Variants in MRTFA observed in about 807,000 individuals in gnomAD.
The protein encoded by MRTFA is myocardin-related transcription factor A.
MRTFA carries 20 observed loss-of-function variants against 83.5 expected under a neutral mutation model. The ratio of observed to expected loss-of-function variants is 0.24; its 90% confidence interval spans 0.17 to 0.35. The LOEUF (loss-of-function observed/expected upper bound fraction) is 0.35, where lower values mean the gene tolerates loss of function less well. MRTFA is among the 10% of genes least tolerant of loss of function. The pLI, the probability that MRTFA is intolerant of heterozygous loss-of-function variation, is 1.00. For synonymous variants in MRTFA, 659 were observed against 541.2 expected (o/e 1.22, Z -3.02); for missense variants, 1,200 against 1,224.7 (o/e 0.98, Z 0.30).
rs2052773584 is a variant in MRTFA at position 40,419,301 on chromosome 22, G to A, written c.1437C>T (p.Ala479=). Residue 479 remains alanine (A), a synonymous_variant, in exon 12 of 15, where the codon GCC becomes GCT. Transcript: ENST00000355630. ...GCACAGGGCTGATTTGGTCTTGATAGGCTCGAAGGCGCTCAATCAGCTCAG... is the reference window on the plus strand; with the variant it reads ...GCACAGGGCTGATTTGGTCTTGATAAGCTCGAAGGCGCTCAATCAGCTCAG... The A allele has an allele frequency of 3.7e-6, 6 of 1,613,976 alleles. No individual in the cohort carries two copies. Among genetic ancestry groups the A allele is most frequent in the South Asian group, 1.1e-5 (1 of 91,080 alleles).
intron 3 of MRTFA, among the ~76,000 whole-genome samples, chr22:40,511,413 A>G (rs938256095): frequency 1.3e-5 from 2 of 152,236 alleles, no homozygotes. Context: ...TTAGATGTCC[A>G]GGTGGGAAGA....
At chr22:40,430,210 G>A (rs1208461658) in intron 6 of MRTFA, among the ~76,000 whole-genome samples, 1 of 152,180 alleles carries the variant, frequency 6.6e-6, no homozygotes, top group Non-Finnish European at 1.5e-5. Flanking sequence ...ACAAACGGCT[G>A]GGCGTGGTGG....
chr22:40,512,451 A>G (rs886322465), intron 3 of MRTFA, among the ~76,000 whole-genome samples: 1 of 152,232 alleles, frequency 6.6e-6, no homozygotes, highest in Non-Finnish European at 1.5e-5. Flanking sequence ...GATCCTTGCC[A>G]TCATCCTTCC....
chr22:40,577,926 C>T (rs536176285), intron 2 of MRTFA, among the ~76,000 whole-genome samples: 1 of 149,164 alleles, frequency 6.7e-6, no homozygotes, highest in Admixed American at 6.7e-5. Flanking sequence ...CTTTTTAAAC[C>T]ACTGTCTGGT....
intron 4 of MRTFA, among the ~76,000 whole-genome samples, chr22:40,443,943 C>A (rs774407738): frequency 6.6e-6 from 1 of 152,168 alleles, no homozygotes; most frequent in Non-Finnish European, 1.5e-5. Flanking sequence ...CAGCATGCAC[C>A]CCCACCATGG....
chr22:40,499,912 A>AT (rs1374668906), intron 3 of MRTFA, among the ~76,000 whole-genome samples: 31 of 115,314 alleles, frequency 2.7e-4, no homozygotes, highest in African/African-American at 1.0e-3. Context: ...TTTCAAGTAG[A>AT]CCTTTTTTTT....
intron 2 of MRTFA, chr22:40,587,631 A>T (rs920431209): frequency 3.3e-6 from 1 of 302,770 alleles, no homozygotes; most frequent in Non-Finnish European, 6.6e-6. Context: ...GAGAACAGAT[A>T]GCATATTGTT....
chr22:40,531,833 A>G lies in MRTFA; in HGVS notation c.241+20273T>C, dbSNP rs543774733. ...CAGCTAATGGCTACAGCACTTCAGA[A>G]CAAAACAGTAGCAATTTTACAAAAC... On this transcript the variant is annotated intron_variant, in intron 3 of 14. Transcript: ENST00000355630. 4.2e-4 allele frequency among the ~76,000 whole-genome samples: 64 copies of G among 152,368 alleles called. 1 individual carries two copies. Among genetic ancestry groups the G allele is most frequent in the African/African-American group, 1.5e-3 (62 of 41,586 alleles).
chr22:40,632,797 C>T (rs1349950696), intron 1 of MRTFA, among the ~76,000 whole-genome samples: 1 of 152,126 alleles, frequency 6.6e-6, no homozygotes, highest in Non-Finnish European at 1.5e-5. Context: ...TTCCAAATTC[C>T]TGACTCACAG....
chr22:40,635,207 G>C (rs2056682021), intron 1 of MRTFA, among the ~76,000 whole-genome samples: 1 of 152,172 alleles, frequency 6.6e-6, no homozygotes, highest in South Asian at 2.1e-4. Context: ...TGCAGTCATA[G>C]GGCTGTGGGC....
intron 1 of MRTFA, among the ~76,000 whole-genome samples, chr22:40,630,410 GAAAC>G (rs1353390191): frequency 1.3e-5 from 2 of 152,000 alleles, no homozygotes; most frequent in Non-Finnish European, 2.9e-5. Context: ...CAAAACAAAA[GAAAC>G]AAACAAAAAA....
intron 1 of MRTFA, among the ~76,000 whole-genome samples, chr22:40,608,216 T>C (rs956996129): frequency 6.6e-6 from 1 of 152,138 alleles, no homozygotes; most frequent in African/African-American, 2.4e-5. Flanking sequence ...TGTTTCACCA[T>C]GTTGGCCAGG....
At chr22:40,577,685 A>G (rs1447066834) in intron 2 of MRTFA, among the ~76,000 whole-genome samples, 2 of 148,502 alleles carry the variant, frequency 1.3e-5, no homozygotes, top group East Asian at 4.0e-4. Flanking sequence ...CGATCACCGC[A>G]ACCTCTGCCT....
chr22:40,597,976 G>C (rs922873729), intron 1 of MRTFA, among the ~76,000 whole-genome samples: 38 of 152,296 alleles, frequency 2.5e-4, no homozygotes, highest in African/African-American at 8.7e-4. Context: ...TTATGCAAAG[G>C]TATGAGCTCA....
Position 40,416,553 on chromosome 22 carries a change from CG to C in MRTFA, c.2578+432del, listed in dbSNP as rs1383545498. Among the ~76,000 whole-genome samples the C allele has an allele frequency of 6.6e-6, 1 of 152,232 alleles. No homozygotes were observed. The highest frequency in any genetic ancestry group is 1.5e-5 in the Non-Finnish European group (1 of 68,038). Reference sequence around the variant, plus strand: ...CCAACCCGCCAGGTACTCCCGAGGCCGCACAGATGCACACAGCTGCCCCTGC... The same window carrying C: ...CCAACCCGCCAGGTACTCCCGAGGCCCACAGATGCACACAGCTGCCCCTGC... On this transcript the variant is annotated intron_variant, in intron 14 of 14. Coordinates refer to ENST00000355630, the MANE Select transcript of MRTFA (RefSeq NM_020831.6). The surrounding 1 kb of genome is among the most constrained non-coding windows in gnomAD (Gnocchi z 4.2).
intron 3 of MRTFA, among the ~76,000 whole-genome samples, chr22:40,549,764 A>AT (rs2055417243): frequency 1.3e-5 from 2 of 152,182 alleles, no homozygotes; most frequent in South Asian, 4.1e-4. Context: ...AAAAAATTAG[A>AT]TTGAGGGCTA....
chr22:40,473,457 C>A (rs988415084), intron 3 of MRTFA, among the ~76,000 whole-genome samples: 1 of 152,154 alleles, frequency 6.6e-6, no homozygotes, highest in African/African-American at 2.4e-5. Flanking sequence ...CTGTACCCAG[C>A]CAATATTAAC....
chr22:40,420,681 C>T, intron 10 of MRTFA, 105 bp from the exon 11 acceptor site: 1 of 1,543,896 alleles, frequency 6.5e-7, no homozygotes, highest in African/African-American at 1.4e-5. Flanking sequence ...GGGCATGGGG[C>T]AAGGGCCCAG....
Position 40,455,077 on chromosome 22 carries a change from A to G in MRTFA, c.307+8144T>C, listed in dbSNP as rs189468831. On this transcript the variant is annotated intron_variant, in intron 4 of 14. Coordinates refer to ENST00000355630, the MANE Select transcript of MRTFA (RefSeq NM_020831.6). ...GGCCTCACCATGTGCTGGGACTGCA[A>G]ATGTGAGCCACTGTGCCTGGCCTAA... is the stretch of plus-strand genomic sequence containing the variant. 8.8e-4 allele frequency among the ~76,000 whole-genome samples: 134 copies of G among 152,296 alleles called. 1 individual carries two copies. The Middle Eastern group carries it at 0.02, about 23-fold the overall frequency.
Sources: allele counts gnomAD v4.1 joint callset (sites outside exome capture counted in the v4.1 genomes callset), GRCh38; gene constraint gnomAD v4.1.1; non-coding constraint Gnocchi (gnomAD v3.1); transcripts MANE v1.5; gene names NCBI Gene and HGNC (gene_info 2026-07-23, HGNC 2026-07-21).